The following NEGR1 variants were observed in gnomAD, a reference collection of about 807,000 sequenced individuals.
NEGR1 encodes the protein neuronal growth regulator 1, also known as IgLON family member 4.
In NEGR1, 10 loss-of-function variants were observed where a neutral mutation model predicts 40.9. The ratio of observed to expected loss-of-function variants is 0.24; its 90% CI spans 0.15 to 0.42. The LOEUF (loss-of-function observed/expected upper bound fraction) is 0.42. NEGR1 is among the 10% of genes least tolerant of loss of function. The probability of loss-of-function intolerance (pLI) is 1.00; values close to 1 mark genes in which losing one functional copy is unlikely to be tolerated. For synonymous variants in NEGR1, 185 were observed against 166.8 expected, an observed-to-expected ratio of 1.11 and a Z score of -0.84; for missense variants, 352 against 438.9, an observed-to-expected ratio of 0.80 and a Z score of 1.77.
chr1:71,712,133 A>C (rs977819301), intron 3 of NEGR1, among the ~76,000 whole-genome samples: 3 of 152,232 alleles, frequency 2.0e-5, no homozygotes, highest in Non-Finnish European at 4.4e-5. Flanking sequence ...CAAAAGCCAT[A>C]AAACTGTATG....
At chr1:71,595,882 GCTCT>G (rs975670825) in intron 5 of NEGR1, among the ~76,000 whole-genome samples, 34 of 152,158 alleles carry the variant, frequency 2.2e-4, no homozygotes, top group African/African-American at 8.0e-4. Flanking sequence ...TGATAAAAGA[GCTCT>G]CTAATTGATG....
At chr1:72,135,585 A>G (rs1363752130) in intron 1 of NEGR1, among the ~76,000 whole-genome samples, 2 of 152,142 alleles carry the variant, frequency 1.3e-5, no homozygotes, top group Non-Finnish European at 2.9e-5. Flanking sequence ...AAGCAAACCC[A>G]GACAGAGCTC....
At chr1:72,027,226 C>G (rs758654267) in intron 1 of NEGR1, among the ~76,000 whole-genome samples, 1 of 151,850 alleles carries the variant, frequency 6.6e-6, no homozygotes, top group African/African-American at 2.4e-5. Flanking sequence ...GCACCCGGCC[C>G]AAGACTCATG....
At chr1:71,524,971 A>G (rs1647199259) in intron 6 of NEGR1, among the ~76,000 whole-genome samples, 1 of 151,798 alleles carries the variant, frequency 6.6e-6, no homozygotes, top group African/African-American at 2.4e-5. Flanking sequence ...AGAAAAGCAC[A>G]CAGCCCTGCT....
intron 1 of NEGR1, among the ~76,000 whole-genome samples, chr1:72,162,011 T>C (rs984858759): frequency 2.0e-5 from 3 of 152,066 alleles, no homozygotes; most frequent in Non-Finnish European, 4.4e-5. Context: ...TCTAAATTTT[T>C]CATTCAACCA....
At chr1:72,232,254 G>A (rs1654391345) in intron 1 of NEGR1, among the ~76,000 whole-genome samples, 3 of 152,086 alleles carry the variant, frequency 2.0e-5, no homozygotes, top group South Asian at 4.2e-4. Context: ...CTACTCGGAA[G>A]GCTAAGGCAG....
chr1:72,019,212 G>A (rs527405519), intron 1 of NEGR1, among the ~76,000 whole-genome samples: 16 of 152,214 alleles, frequency 1.1e-4, no homozygotes, highest in African/African-American at 3.1e-4. Context: ...TCTAACTGAA[G>A]AGACAGAAGA....
intron 5 of NEGR1, among the ~76,000 whole-genome samples, chr1:71,600,885 G>A (rs1213210114): frequency 6.6e-6 from 1 of 152,202 alleles, no homozygotes; most frequent in Admixed American, 6.5e-5. Context: ...GGTAGACTCT[G>A]TGTGTGCAGT....
chr1:72,275,336 A>C (rs1280029770), intron 1 of NEGR1, among the ~76,000 whole-genome samples: 1 of 152,100 alleles, frequency 6.6e-6, no homozygotes, highest in Non-Finnish European at 1.5e-5. Flanking sequence ...GAAAAATCTG[A>C]GATTTTAGTC....
At chr1:72,182,798 A>G (rs1160731422) in intron 1 of NEGR1, among the ~76,000 whole-genome samples, 2 of 139,252 alleles carry the variant, frequency 1.4e-5, no homozygotes, top group African/African-American at 2.7e-5. Context: ...ATATATATAT[A>G]TGTTTGTATG....
chr1:71,668,750 G>A (rs1479154077), intron 4 of NEGR1, among the ~76,000 whole-genome samples: 1 of 152,086 alleles, frequency 6.6e-6, no homozygotes, highest in Non-Finnish European at 1.5e-5. Context: ...AGAAGGGTTG[G>A]CATTTTCGTA....
chr1:72,009,082 T>A (rs1646634562), intron 1 of NEGR1, among the ~76,000 whole-genome samples: 1 of 151,902 alleles, frequency 6.6e-6, no homozygotes, highest in Non-Finnish European at 1.5e-5. Context: ...ATGTTATGGC[T>A]ACTAATATGT....
chr1:71,710,859 T>C (rs1654056589), intron 3 of NEGR1, among the ~76,000 whole-genome samples: 1 of 152,086 alleles, frequency 6.6e-6, no homozygotes. Context: ...AACTTAATTG[T>C]ATATTTTAAA....
intron 4 of NEGR1, among the ~76,000 whole-genome samples, chr1:71,674,715 C>A (rs1488524051): frequency 1.3e-5 from 2 of 151,448 alleles, no homozygotes; most frequent in Non-Finnish European, 2.9e-5. Flanking sequence ...GACGAGATTG[C>A]TTTCAATGAA....
chr1:72,218,161 C>T (rs1653886623), intron 1 of NEGR1, among the ~76,000 whole-genome samples: 1 of 151,632 alleles, frequency 6.6e-6, no homozygotes, highest in Non-Finnish European at 1.5e-5. Context: ...ACTAAAACTA[C>T]TTAAATTCCA....
chr1:72,149,554 A>G (rs2100352214), intron 1 of NEGR1, among the ~76,000 whole-genome samples: 1 of 152,224 alleles, frequency 6.6e-6, no homozygotes, highest in South Asian at 2.1e-4. Context: ...ATGAAGCACA[A>G]TCAATTAATT....
At chr1:71,845,990 C>T (rs1383692887) in intron 2 of NEGR1, among the ~76,000 whole-genome samples, 2 of 148,460 alleles carry the variant, frequency 1.3e-5, no homozygotes, top group Non-Finnish European at 3.0e-5. Flanking sequence ...TCTCAAACTC[C>T]TAGGCTTAAG....
intron 3 of NEGR1, among the ~76,000 whole-genome samples, chr1:71,706,051 T>C (rs1490679084): frequency 3.9e-5 from 6 of 152,226 alleles, no homozygotes; most frequent in Non-Finnish European, 8.8e-5. Context: ...TTTAACTTCA[T>C]ATTGCTGAAA....
intron 2 of NEGR1, among the ~76,000 whole-genome samples, chr1:71,899,878 G>A (rs1661098723): frequency 6.6e-6 from 1 of 152,122 alleles, no homozygotes; most frequent in Non-Finnish European, 1.5e-5. Context: ...CAATGGTCAA[G>A]GGTCCACTCT....
Sources: gnomAD v4.1 joint callset for allele counts (sites outside exome capture counted in the v4.1 genomes callset) on GRCh38, gnomAD v4.1.1 for gene constraint, MANE v1.5 for transcripts, NCBI Gene and HGNC (gene_info 2026-07-23, HGNC 2026-07-21) for gene names.